The following DNAJB1 variants were observed in gnomAD, a reference collection of about 807,000 sequenced individuals.
DNAJB1 encodes DnaJ heat shock protein family (Hsp40) member B1.
Under a neutral mutation model 24.0 loss-of-function variants are expected in DNAJB1, and 14 were observed. The ratio of observed to expected loss-of-function variants is 0.58; its 90% CI spans 0.39 to 0.91. DNAJB1 has a LOEUF of 0.91. DNAJB1 is among the 40% of genes least tolerant of loss of function. DNAJB1 has a pLI of 0.00. For missense variants in DNAJB1, 517 were observed against 458.1 expected (o/e 1.13, Z -1.17); for synonymous variants, 262 against 174.4 (o/e 1.50, Z -3.96).
chr19:14,552,526 T>G (rs190878067), upstream of DNAJB1, among the ~76,000 whole-genome samples: 1 of 151,138 alleles, frequency 6.6e-6, no homozygotes. Flanking sequence ...CACAGTCTTT[T>G]TCTTTTCTTT....
chr19:14,516,345 C>T (rs1320420702), intron 2 of DNAJB1, 121 bp downstream of exon 2: 20 of 1,291,254 alleles, frequency 1.5e-5, no homozygotes, highest in Non-Finnish European at 2.0e-5. Context: ...CAGTCCTGTT[C>T]ACTGTTGTGC....
upstream of DNAJB1, among the ~76,000 whole-genome samples, chr19:14,550,539 G>A (rs1164927475): frequency 6.6e-6 from 1 of 152,088 alleles, no homozygotes; most frequent in African/African-American, 2.4e-5. Flanking sequence ...CCCAGGTGTC[G>A]TCCCCAACTG....
intron 1 of DNAJB1, among the ~76,000 whole-genome samples, chr19:14,537,022 TGTCGAGGAGGGGGAGGCGG>T (rs1365545070): frequency 1.9e-5 from 1 of 53,176 alleles, no homozygotes; most frequent in Non-Finnish European, 3.8e-5. Context: ...CGGGGAGGGG[TGTCGAGGAGGGGGAGGCGG>T]GTCCCAAGGA....
intron 1 of DNAJB1, among the ~76,000 whole-genome samples, chr19:14,549,754 C>G (rs1378502138): frequency 2.6e-5 from 4 of 152,002 alleles, no homozygotes; most frequent in Non-Finnish European, 5.9e-5. Context: ...ACGAGCCTGA[C>G]CAACATGGTG....
chr19:14,528,047 C>G (rs2072469366), intron 1 of DNAJB1, among the ~76,000 whole-genome samples: 1 of 151,442 alleles, frequency 6.6e-6, no homozygotes, highest in Non-Finnish European at 1.5e-5. Context: ...TTACACCTGG[C>G]TAATTTTTGT....
chr19:14,530,596 G>A (rs2072603867), upstream of DNAJB1: 1 of 152,126 alleles, frequency 6.6e-6, no homozygotes, highest in Non-Finnish European at 1.5e-5. Context: ...GATGAATAAA[G>A]TCTCAGAGAT....
chr19:14,541,405 A>G (rs1260038774), intron 1 of DNAJB1, among the ~76,000 whole-genome samples: 1 of 152,104 alleles, frequency 6.6e-6, no homozygotes, highest in Non-Finnish European at 1.5e-5. Context: ...CCGAGACAAC[A>G]CTGGGCACTC....
upstream of DNAJB1, among the ~76,000 whole-genome samples, chr19:14,523,141 G>T (rs2072381234): frequency 6.6e-6 from 1 of 151,898 alleles, no homozygotes; most frequent in South Asian, 2.1e-4. Flanking sequence ...GGGAGGTGGA[G>T]GTTGCAGTGA....
At chr19:14,535,929 G>C (rs1223883226) in intron 1 of DNAJB1, among the ~76,000 whole-genome samples, 1 of 151,904 alleles carries the variant, frequency 6.6e-6, no homozygotes, top group Non-Finnish European at 1.5e-5. Context: ...GTGACTCACT[G>C]GGCAGATTCT....
At chr19:14,527,114 C>G (rs1292097273) in intron 2 of DNAJB1, among the ~76,000 whole-genome samples, 1 of 145,370 alleles carries the variant, frequency 6.9e-6, no homozygotes, top group Non-Finnish European at 1.5e-5. Flanking sequence ...TGAGGCCTGT[C>G]ATGACACAGA....
upstream of DNAJB1, among the ~76,000 whole-genome samples, chr19:14,519,411 A>G (rs1189157293): frequency 6.6e-6 from 1 of 152,160 alleles, no homozygotes; most frequent in Non-Finnish European, 1.5e-5. Flanking sequence ...ATGAACAAAA[A>G]ACCCACCAGC....
At chr19:14,554,225 G>C (rs977600315), upstream of DNAJB1, among the ~76,000 whole-genome samples, 1 of 152,178 alleles carries the variant, frequency 6.6e-6, no homozygotes, top group African/African-American at 2.4e-5. Flanking sequence ...CAGGAGAGAT[G>C]TCTGGGAAGC....
intron 1 of DNAJB1, among the ~76,000 whole-genome samples, chr19:14,547,349 TATTTTA>T (rs1423352501): frequency 2.0e-5 from 2 of 101,066 alleles, no homozygotes; most frequent in Admixed American, 1.1e-4. Flanking sequence ...TGGCCTATTT[TATTTTA>T]TTTTATTTTA....
At chr19:14,526,804 A>C (rs1235478856) in intron 2 of DNAJB1, among the ~76,000 whole-genome samples, 1 of 152,154 alleles carries the variant, frequency 6.6e-6, no homozygotes, top group African/African-American at 2.4e-5. Context: ...GAAAATTTGC[A>C]TAACTGGTGA....
upstream of DNAJB1, among the ~76,000 whole-genome samples, chr19:14,522,683 G>GACACACAGACACACAC (rs751484199): frequency 4.4e-3 from 521 of 117,882 alleles, 2 homozygotes; most frequent in Admixed American, 7.3e-3. Flanking sequence ...CACACACACA[G>GACACACAGACACACAC]ACACACACAC....
At chr19:14,556,748 A>C (rs890567226) in intron 1 of DNAJB1, among the ~76,000 whole-genome samples, 2 of 152,194 alleles carry the variant, frequency 1.3e-5, no homozygotes, top group Admixed American at 6.5e-5. Context: ...TCCGTCCCTG[A>C]CATCGGCTTT....
rs554691498 is a variant in DNAJB1, at chr19:14,526,667, C to T, written c.-90+1059G>A. On this transcript the variant is annotated intron_variant, in intron 2 of 3. Coordinates refer to the DNAJB1 transcript ENST00000396969. ...CAGTCTCAAAAGGGAATTTCCAAAACGTTCTGAGTTTATGGGAATATGTAT... is the reference window on the plus strand; with the variant it reads ...CAGTCTCAAAAGGGAATTTCCAAAATGTTCTGAGTTTATGGGAATATGTAT... Among the ~76,000 whole-genome samples, 4 of 152,244 alleles carry T rather than the reference C, an allele frequency of 2.6e-5. No homozygotes were observed. The East Asian group carries it at 7.7e-4, about 29-fold the overall frequency.
At chr19:14,543,301 G>GGT (rs146995590) in intron 1 of DNAJB1, among the ~76,000 whole-genome samples, 3 of 133,058 alleles carry the variant, frequency 2.3e-5, no homozygotes, top group Admixed American at 7.9e-5. Context: ...GTGGGGTGGG[G>GGT]GTGTGTGTGT....
chr19:14,545,587 C>T (rs901651162), intron 1 of DNAJB1: 4 of 196,262 alleles, frequency 2.0e-5, no homozygotes, highest in Admixed American at 5.5e-5. Context: ...GCTCTTGTTA[C>T]ACCCGCCTGA....
Sources: gnomAD v4.1 joint callset for allele counts (sites outside exome capture counted in the v4.1 genomes callset) on GRCh38, gnomAD v4.1.1 for gene constraint, MANE v1.5 for transcripts, NCBI Gene and HGNC (gene_info 2026-07-23, HGNC 2026-07-21) for gene names.